Variants in ZNF277 observed in about 807,000 individuals in gnomAD.
The protein encoded by ZNF277 is zinc finger protein 277.
A neutral mutation model predicts 60.7 loss-of-function variants in ZNF277; 55 were observed. The ratio of observed to expected loss-of-function variants is 0.91; its 90% CI spans 0.73 to 1.13. The LOEUF is 1.13. Ranked by LOEUF, ZNF277 falls within the 50% of genes most tolerant of loss-of-function variation. The pLI is 0.00. For synonymous variants in ZNF277, 178 were observed against 179.3 expected, an observed-to-expected ratio of 0.99 and a Z score of 0.06; for missense variants, 510 against 523.0, an observed-to-expected ratio of 0.98 and a Z score of 0.24.
chr7:112,280,282 G>C (rs1047039917), intron 1 of ZNF277, among the ~76,000 whole-genome samples: 2 of 152,120 alleles, frequency 1.3e-5, no homozygotes, highest in Non-Finnish European at 2.9e-5. Context: ...CATTGAAGAA[G>C]TATGAGAAGC....
chr7:112,241,983 A>G (rs1338614511), intron 1 of ZNF277, among the ~76,000 whole-genome samples: 1 of 152,092 alleles, frequency 6.6e-6, no homozygotes, highest in Non-Finnish European at 1.5e-5. Flanking sequence ...TTGTACATTT[A>G]AAAAATAAAT....
chr7:112,308,868 G>A (rs190903588), intron 4 of ZNF277, among the ~76,000 whole-genome samples: 2 of 152,088 alleles, frequency 1.3e-5, no homozygotes, highest in Non-Finnish European at 2.9e-5. Flanking sequence ...GGACACCTGT[G>A]CATTTTTCTG....
At chr7:112,275,797 A>C (rs1791778923) in intron 1 of ZNF277, among the ~76,000 whole-genome samples, 1 of 152,166 alleles carries the variant, frequency 6.6e-6, no homozygotes, top group Non-Finnish European at 1.5e-5. Context: ...TAAACCAGAA[A>C]CATTCATAAT....
intron 1 of ZNF277, among the ~76,000 whole-genome samples, chr7:112,249,168 C>T (rs1337584732): frequency 6.6e-6 from 1 of 152,142 alleles, no homozygotes; most frequent in Non-Finnish European, 1.5e-5. Context: ...CTGTTTGAGT[C>T]CTTCTAGCTA....
At chr7:112,229,034 G>A (rs966501432) in intron 1 of ZNF277, among the ~76,000 whole-genome samples, 7 of 152,214 alleles carry the variant, frequency 4.6e-5, no homozygotes, top group African/African-American at 1.7e-4. Context: ...TGCATGAAGG[G>A]ATGCTTTTTG....
At chr7:112,221,230 T>A (rs1822021962) in intron 1 of ZNF277, among the ~76,000 whole-genome samples, 1 of 152,082 alleles carries the variant, frequency 6.6e-6, no homozygotes, top group South Asian at 2.1e-4. Flanking sequence ...AGCTGCTGGG[T>A]TCCACGGTTC....
chr7:112,233,484 TAGAA>T (rs1822394701), intron 1 of ZNF277, among the ~76,000 whole-genome samples: 1 of 152,178 alleles, frequency 6.6e-6, no homozygotes, highest in African/African-American at 2.4e-5. Flanking sequence ...ATAAGTGAAT[TAGAA>T]AGCAAAAGCC....
In ZNF277 at chr7:112,340,926, A is replaced by G. The variant is rs1414233745; in HGVS notation, c.1064A>G (p.His355Arg). 3 of 1,612,364 alleles carry G rather than the reference A, an allele frequency of 1.9e-6. No individual in the cohort carries two copies. Among genetic ancestry groups the G allele is most frequent in the African/African-American group, 1.3e-5 (1 of 74,894 alleles). ...KLVNFIRRQV[H>R]QCRCYGCHVK... ...GTCAATTTTATTCGGAGGCAAGTTCACCAATGCAGATGTTATGGCTGCCAT... is the reference window on the plus strand; with the variant it reads ...GTCAATTTTATTCGGAGGCAAGTTCGCCAATGCAGATGTTATGGCTGCCAT... Residue 355 changes from histidine to arginine, a missense_variant, in exon 11 of 12, where the codon CAC becomes CGC. His to Arg is a conservative substitution (Grantham distance 29, BLOSUM62 0). Coordinates refer to ENST00000361822, the MANE Select transcript of ZNF277 (RefSeq NM_021994.3).
At chr7:112,263,850 G>A (rs1220423448) in intron 1 of ZNF277, among the ~76,000 whole-genome samples, 1 of 152,074 alleles carries the variant, frequency 6.6e-6, no homozygotes, top group Non-Finnish European at 1.5e-5. Context: ...CCTGAGAAAT[G>A]TGCATATAAA....
rs148989803 is a variant in ZNF277, at chr7:112,337,009, T to G, written c.870-721T>G. ...AAGCTTCTGTGTGAATTGGGTTAGG[T>G]TGATCTTGAGAGTCTTATCAGTGAT... On this transcript the variant is annotated intron_variant, in intron 8 of 11. Coordinates refer to ENST00000361822, the MANE Select transcript of ZNF277 (RefSeq NM_021994.3). 9.9e-4 allele frequency among the ~76,000 whole-genome samples: 151 copies of G among 152,308 alleles called. 1 individual carries two copies. The East Asian group carries it at 0.029, about 29-fold the overall frequency.
intron 1 of ZNF277, among the ~76,000 whole-genome samples, chr7:112,263,994 G>C (rs952741797): frequency 6.6e-6 from 1 of 152,060 alleles, no homozygotes; most frequent in African/African-American, 2.4e-5. Flanking sequence ...ACAGATTTCA[G>C]TTGTAAAACA....
chr7:112,330,026 GATT>G, intron 6 of ZNF277, 55 bp from the exon 7 acceptor site: 1 of 1,542,268 alleles, frequency 6.5e-7, no homozygotes, highest in East Asian at 2.3e-5. Flanking sequence ...AATAATAAAG[GATT>G]ATTGCAGCAA....
In ZNF277 at chr7:112,208,674, A is replaced by ATTTTTTTTTTTTTTTTTTTTTTTT. The variant is rs869082099; in HGVS notation, c.91+1868_91+1891dup. 1.6e-4 allele frequency among the ~76,000 whole-genome samples: 12 copies of ATTTTTTTTTTTTTTTTTTTTTTTT among 72,808 alleles called. 2 individuals are homozygous for ATTTTTTTTTTTTTTTTTTTTTTTT. The highest frequency in any genetic ancestry group is 3.6e-4 in the African/African-American group (6 of 16,736). 47.8% of individuals were successfully genotyped at this position (72,808 alleles called of 152,430 possible). On this transcript the variant is annotated intron_variant, in intron 1 of 11. Coordinates refer to ENST00000361822, the MANE Select transcript of ZNF277 (RefSeq NM_021994.3). Reference sequence around the variant, plus strand: ...ATATGACACACGTCTGTATGATTTGATTTTTTTTTTTTTTTTTTTTTTTTG... The same window carrying ATTTTTTTTTTTTTTTTTTTTTTTT: ...ATATGACACACGTCTGTATGATTTGATTTTTTTTTTTTTTTTTTTTTTTTTTTTTTTTTTTTTTTTTTTTTTTTG...
At chr7:112,232,638 A>G (rs909036879) in intron 1 of ZNF277, among the ~76,000 whole-genome samples, 1 of 152,148 alleles carries the variant, frequency 6.6e-6, no homozygotes, top group Non-Finnish European at 1.5e-5. Context: ...CTTGAGTTGT[A>G]TATCTGGATG....
At chr7:112,302,580 T>A (rs904247094) in intron 4 of ZNF277, among the ~76,000 whole-genome samples, 1 of 152,094 alleles carries the variant, frequency 6.6e-6, no homozygotes, top group Admixed American at 6.6e-5. Flanking sequence ...CAGTGACCAT[T>A]GAGTAAGTTT....
intron 1 of ZNF277, among the ~76,000 whole-genome samples, chr7:112,266,173 A>C (rs1791545685): frequency 6.6e-6 from 1 of 151,386 alleles, no homozygotes; most frequent in African/African-American, 2.4e-5. Context: ...ACGGAGTCTC[A>C]CTCACTCTGT....
chr7:112,273,052 C>T (rs898377378), intron 1 of ZNF277, among the ~76,000 whole-genome samples: 2 of 152,132 alleles, frequency 1.3e-5, no homozygotes, highest in Non-Finnish European at 2.9e-5. Flanking sequence ...CAAGCACTTC[C>T]TTAGACACCG....
intron 4 of ZNF277, among the ~76,000 whole-genome samples, chr7:112,297,975 T>C (rs936936309): frequency 1.3e-5 from 2 of 152,170 alleles, no homozygotes; most frequent in Non-Finnish European, 2.9e-5. Context: ...CTTTTTTACT[T>C]TACAGTTTGA....
chr7:112,257,083 A>T (rs1241799268), intron 1 of ZNF277, among the ~76,000 whole-genome samples: 1 of 152,196 alleles, frequency 6.6e-6, no homozygotes, highest in Middle Eastern at 3.2e-3. Context: ...TTATTTTTCA[A>T]TGGGATTACA....
Sources: allele counts gnomAD v4.1 joint callset (sites outside exome capture counted in the v4.1 genomes callset), GRCh38; gene constraint gnomAD v4.1.1; transcripts MANE v1.5; gene names NCBI Gene and HGNC (gene_info 2026-07-23, HGNC 2026-07-21).